The following WDR11 variants were observed in gnomAD, a reference collection of about 807,000 sequenced individuals.
The protein encoded by WDR11 is WD repeat-containing protein 11.
WDR11 carries 83 observed loss-of-function variants against 151.2 expected under a neutral mutation model. That is an observed-to-expected ratio of 0.55 (90% CI 0.46 to 0.66). The LOEUF (loss-of-function observed/expected upper bound fraction) is 0.66. Among genes scored for constraint, WDR11 ranks in the 30% least tolerant of loss-of-function variants. WDR11 has a pLI of 0.00. For missense variants in WDR11, 1,301 were observed against 1,480.9 expected (o/e 0.88, Z 1.99); for synonymous variants, 484 against 533.1 (o/e 0.91, Z 1.27).
In WDR11 at chr10:120,862,916, A is replaced by G. The variant is rs143224552; in HGVS notation, c.708A>G (p.Lys236=). The G allele has an allele frequency of 6.4e-5, 103 of 1,604,882 alleles. No individual in the cohort carries two copies. In the African/African-American group the frequency reaches 1.2e-3, roughly 19 times the overall value. The change falls in exon 5 of 29, where the codon AAA becomes AAG. Residue 236 remains lysine (K), a synonymous_variant. Transcript: ENST00000263461. The part of the protein sequence containing the change: ...NKVKILITQE[K]PSAEFITLND... ...TAAAAATTTTAATCACTCAAGAGAAACCTAGGTAAGTTACAAGTGTAAAAT... is the reference window on the plus strand; with the variant it reads ...TAAAAATTTTAATCACTCAAGAGAAGCCTAGGTAAGTTACAAGTGTAAAAT...
Position 120,905,425 on chromosome 10 carries a change from T to C in WDR11, c.3291+9T>C. 6.2e-7 allele frequency: 1 copy of C among 1,614,036 alleles called. No homozygotes were observed. The highest frequency in any genetic ancestry group is 8.5e-7 in the Non-Finnish European group (1 of 1,179,948). ...CTGCATGGCTGGCAAAAGTAGGTGG[T>C]TCCAAGTTTCAATAGGTGCCCTCAA... is the stretch of plus-strand genomic sequence containing the variant. On this transcript the variant is annotated intron_variant, in intron 26 of 28. Coordinates refer to ENST00000263461, the MANE Select transcript of WDR11 (RefSeq NM_018117.12).
At chr10:120,887,752 A>T (rs1404113837) in intron 16 of WDR11, among the ~76,000 whole-genome samples, 1 of 152,186 alleles carries the variant, frequency 6.6e-6, no homozygotes, top group East Asian at 1.9e-4. Flanking sequence ...ACGACATGAC[A>T]ACTGGCCTCC....
In WDR11 at chr10:120,865,057, A is replaced by G; in HGVS notation, c.724A>G (p.Ile242Val). 1.2e-6 allele frequency: 2 copies of G among 1,613,918 alleles called. No individual in the cohort carries two copies. Among genetic ancestry groups the G allele is most frequent in the South Asian group, 1.1e-5 (1 of 91,084 alleles). ...GTTTACTTTTTTCAGTGCTGAATTC[A>G]TAACTCTCAATGATTGCCTTCAGTT... is the stretch of plus-strand genomic sequence containing the variant. ...ITQEKPSAEF[I>V]TLNDCLQLAY... is the part of the protein sequence containing the mutation. The change falls in exon 6 of 29, where the codon ATA (isoleucine) becomes GTA (valine). Residue 242 changes from isoleucine to valine, a missense_variant. Physicochemically the swap from Ile to Val is conservative, Grantham distance 29. Coordinates refer to ENST00000263461, the MANE Select transcript of WDR11 (RefSeq NM_018117.12).
chr10:120,905,529 A>C, intron 26 of WDR11, 113 bp downstream of exon 26: 1 of 1,096,606 alleles, frequency 9.1e-7, no homozygotes. Context: ...GCTGCTTTGC[A>C]AATACTGTCT....
chr10:120,893,173 C>T (rs1041605471), intron 19 of WDR11, among the ~76,000 whole-genome samples: 17 of 145,600 alleles, frequency 1.2e-4, no homozygotes, highest in African/African-American at 4.3e-4. Flanking sequence ...CCTCCCTCCA[C>T]CCCACAACAG....
At position 120,889,941 on chromosome 10, in the gene WDR11, C is replaced by T; in HGVS notation, c.2275C>T (p.Pro759Ser). The T allele has an allele frequency of 6.2e-7, 1 of 1,614,016 alleles. No homozygotes were observed. The highest frequency in any genetic ancestry group is 8.5e-7 in the Non-Finnish European group (1 of 1,179,968). ...RSWVRKIRFA[P>S]GKGNQKLIAM... ...TTGGGTGAGGAAGATTCGTTTTGCT[C>T]CTGGTAAAGGAAATCAAAAATTAAT... The change falls in exon 18 of 29, where the codon CCT (proline) becomes TCT (serine). Residue 759 changes from proline to serine, a missense_variant. Pro to Ser is a moderately conservative substitution (Grantham distance 74, BLOSUM62 -1). This residue lies in a region of WDR11 where 589 missense variants were observed against 670.6 expected (regional missense o/e 0.88). Coordinates refer to ENST00000263461, the MANE Select transcript of WDR11 (RefSeq NM_018117.12).
rs12254234 is a variant in WDR11, at chr10:120,866,181, A to G, written c.995-388A>G. On this transcript the variant is annotated intron_variant, in intron 7 of 28. Transcript: ENST00000263461. ...GGAAATAATGTTTTTGTGAAATTAT[A>G]TACTGTGTAAAGATCAAAGTGATTT... 9.0e-3 allele frequency among the ~76,000 whole-genome samples: 1,366 copies of G among 152,282 alleles called. 20 individuals are homozygous for G. The highest frequency in any genetic ancestry group is 0.031 in the African/African-American group (1,308 of 41,550).
chr10:120,886,660 T>C (rs1355323812), intron 15 of WDR11, 29 bp from the exon 16 acceptor site: 1 of 1,608,208 alleles, frequency 6.2e-7, no homozygotes, highest in African/African-American at 1.3e-5. Flanking sequence ...AAAAAAAACA[T>C]CTTTATCATA....
At chr10:120,878,321 T>C in intron 11 of WDR11, 32 bp from the exon 12 acceptor site, 1 of 1,475,752 alleles carries the variant, frequency 6.8e-7, no homozygotes, top group African/African-American at 1.4e-5. Flanking sequence ...AAAAGAGAAT[T>C]AGTTTAACCT....
Position 120,866,510 on chromosome 10 carries a change from C to G in WDR11, c.995-59C>G. The G allele has an allele frequency of 3.1e-6, 5 of 1,592,144 alleles. No individual in the cohort carries two copies. The South Asian group carries it at 5.5e-5, about 18-fold the overall frequency. Reference sequence around the variant, plus strand: ...AGTTGAGGTTTTATTTAAATTGAAACAAACAGTAGTGGTATCGATATGGCT... The same window carrying G: ...AGTTGAGGTTTTATTTAAATTGAAAGAAACAGTAGTGGTATCGATATGGCT... On this transcript the variant is annotated intron_variant, in intron 7 of 28. Coordinates refer to ENST00000263461, the MANE Select transcript of WDR11 (RefSeq NM_018117.12).
Position 120,865,232 on chromosome 10 carries a change from T to G in WDR11, c.879+20T>G. On this transcript the variant is annotated intron_variant, in intron 6 of 28. Transcript: ENST00000263461. The stretch of plus-strand genomic sequence containing the variant: ...TTACAGGTATCTACAATTCATAAAT[T>G]ATATTCCCCAAAATTATTAAGAATG... 6.2e-7 allele frequency: 1 copy of G among 1,610,842 alleles called. No individual in the cohort carries two copies. Among genetic ancestry groups the G allele is most frequent in the African/African-American group, 1.3e-5 (1 of 74,980 alleles).
intron 19 of WDR11, 134 bp from the exon 20 acceptor site, chr10:120,899,895 C>T: frequency 1.4e-6 from 1 of 726,266 alleles, no homozygotes; most frequent in Non-Finnish European, 2.4e-6. Context: ...GCGGTGACTA[C>T]ATTGAATATA....
intron 2 of WDR11, among the ~76,000 whole-genome samples, chr10:120,853,843 T>C (rs1845860784): frequency 1.3e-5 from 2 of 152,154 alleles, no homozygotes; most frequent in Non-Finnish European, 1.5e-5. Context: ...AAGGTTTCTT[T>C]TGGTGTAATT....
At chr10:120,863,842 C>A (rs1026331753) in intron 5 of WDR11, among the ~76,000 whole-genome samples, 1 of 152,072 alleles carries the variant, frequency 6.6e-6, no homozygotes, top group Non-Finnish European at 1.5e-5. Context: ...ATATATTAAG[C>A]CATAGGCTGG....
rs1848155586 is a variant in WDR11, at chr10:120,908,462, AG to A, written c.3518-93del. On this transcript the variant is annotated intron_variant, in intron 28 of 28. Transcript: ENST00000263461. ...ACCAGGTCCCTTCCGAGCAGCCAGC[AG>A]AGCAGACGCGACTCACCCTTCCTGC... is the stretch of plus-strand genomic sequence containing the variant. 3.1e-5 allele frequency: 42 copies of A among 1,354,026 alleles called. 1 individual carries two copies. In the South Asian group the frequency reaches 4.8e-4, roughly 15 times the overall value. 83.9% of individuals were successfully genotyped at this position (1,354,026 alleles called of 1,614,324 possible). A position where few individuals can be genotyped will look rare whatever the true frequency, so the allele number is the denominator to read the frequency against.
chr10:120,863,162 A>C (rs1361496292), intron 5 of WDR11, among the ~76,000 whole-genome samples: 1 of 152,194 alleles, frequency 6.6e-6, no homozygotes, highest in Admixed American at 6.5e-5. Context: ...ATAGATTAAA[A>C]TTTTTGAATT....
intron 4 of WDR11, 66 bp downstream of exon 4, chr10:120,860,348 C>A: frequency 6.6e-7 from 1 of 1,522,462 alleles, no homozygotes; most frequent in Non-Finnish European, 9.0e-7. Context: ...ATGCTATGTG[C>A]ATGAGATATA....
At chr10:120,891,126 CTT>C (rs769450943) in intron 19 of WDR11, among the ~76,000 whole-genome samples, 1 of 152,240 alleles carries the variant, frequency 6.6e-6, no homozygotes, top group Non-Finnish European at 1.5e-5. Context: ...CCTTTTGACT[CTT>C]TTCTTTGGTT....
chr10:120,898,708 G>A (rs944666044), intron 19 of WDR11, among the ~76,000 whole-genome samples: 11 of 152,068 alleles, frequency 7.2e-5, no homozygotes, highest in African/African-American at 2.2e-4. Flanking sequence ...TTGCCCCCTC[G>A]CTGGCTCTCT....
Sources: allele counts gnomAD v4.1 joint callset (sites outside exome capture counted in the v4.1 genomes callset), GRCh38; gene constraint gnomAD v4.1.1; regional missense constraint gnomAD v4.1.1; transcripts MANE v1.5; gene names NCBI Gene and HGNC (gene_info 2026-07-23, HGNC 2026-07-21).